Variants in ASTN2 observed in about 807,000 individuals in gnomAD.
The protein encoded by ASTN2 is astrotactin-2.
Under a neutral mutation model 139.8 loss-of-function variants are expected in ASTN2, and 54 were observed. That is an observed-to-expected ratio of 0.39 (90% CI 0.31 to 0.48). The LOEUF (loss-of-function observed/expected upper bound fraction) is 0.48. Ranked by LOEUF, ASTN2 falls within the 20% of genes least tolerant of loss-of-function variation. The pLI, the probability that ASTN2 is intolerant of heterozygous loss-of-function variation, is 0.95. For synonymous variants in ASTN2, 756 were observed against 719.5 expected (o/e 1.05, Z -0.81); for missense variants, 1,565 against 1,725.1 (o/e 0.91, Z 1.64).
At chr9:116,816,952 C>T (rs1055472121) in intron 12 of ASTN2, among the ~76,000 whole-genome samples, 2 of 113,668 alleles carry the variant, frequency 1.8e-5, no homozygotes, top group Non-Finnish European at 4.0e-5. Flanking sequence ...CTATATAGGC[C>T]CTAACCCCAT....
chr9:116,985,717 C>A (rs774778218), intron 7 of ASTN2, among the ~76,000 whole-genome samples: 1 of 152,190 alleles, frequency 6.6e-6, no homozygotes, highest in Non-Finnish European at 1.5e-5. Flanking sequence ...GCATGTATTT[C>A]CAACAATCCA....
At chr9:117,136,848 T>G (rs957193130) in intron 4 of ASTN2, among the ~76,000 whole-genome samples, 4 of 152,224 alleles carry the variant, frequency 2.6e-5, no homozygotes, top group Non-Finnish European at 5.9e-5. Flanking sequence ...TCTTGGGTAT[T>G]AATTCACAAC....
chr9:117,272,799 G>A (rs1185633126), intron 2 of ASTN2, among the ~76,000 whole-genome samples: 1 of 152,104 alleles, frequency 6.6e-6, no homozygotes, highest in African/African-American at 2.4e-5. Flanking sequence ...AGACCACCTC[G>A]GCCTGGACCT....
chr9:116,589,991 C>T (rs1564137436), intron 19 of ASTN2, among the ~76,000 whole-genome samples: 1 of 152,216 alleles, frequency 6.6e-6, no homozygotes, highest in Non-Finnish European at 1.5e-5. Context: ...TATGCATACT[C>T]ACTGAGGTGG....
At chr9:116,932,953 C>T (rs1300702227) in intron 10 of ASTN2, among the ~76,000 whole-genome samples, 1 of 140,574 alleles carries the variant, frequency 7.1e-6, no homozygotes, top group Non-Finnish European at 1.5e-5. Context: ...TTTCAGGGAG[C>T]CAAGATTGAG....
intron 17 of ASTN2, among the ~76,000 whole-genome samples, chr9:116,639,662 G>A (rs1857237072): frequency 1.3e-5 from 2 of 152,174 alleles, no homozygotes; most frequent in Non-Finnish European, 2.9e-5. Flanking sequence ...GACACCCTCA[G>A]ATAAATGATG....
At chr9:117,211,462 T>A (rs904559018) in intron 3 of ASTN2, among the ~76,000 whole-genome samples, 1 of 152,136 alleles carries the variant, frequency 6.6e-6, no homozygotes, top group Non-Finnish European at 1.5e-5. Context: ...TTTAAAAGTG[T>A]TTAGCACTTC....
intron 19 of ASTN2, among the ~76,000 whole-genome samples, chr9:116,533,534 C>T (rs1221426688): frequency 6.6e-6 from 1 of 152,120 alleles, no homozygotes; most frequent in Non-Finnish European, 1.5e-5. Context: ...AGAAATGTCC[C>T]ATCAACACCT....
chr9:116,958,408 G>T (rs1588441055), intron 10 of ASTN2, among the ~76,000 whole-genome samples: 1 of 152,072 alleles, frequency 6.6e-6, no homozygotes, highest in East Asian at 1.9e-4. Context: ...GGCTAACAAG[G>T]TGAAACCCCG....
At chr9:117,090,600 A>G (rs1156589680) in intron 5 of ASTN2, among the ~76,000 whole-genome samples, 3 of 152,242 alleles carry the variant, frequency 2.0e-5, no homozygotes, top group Admixed American at 2.0e-4. Context: ...AGGGAAAGAA[A>G]ATATTAGAAG....
chr9:116,792,870 T>G (rs1588297490), intron 13 of ASTN2, among the ~76,000 whole-genome samples: 1 of 152,280 alleles, frequency 6.6e-6, no homozygotes, highest in African/African-American at 2.4e-5. Context: ...TTAAGTTCAG[T>G]TTAACACTTT....
intron 13 of ASTN2, among the ~76,000 whole-genome samples, chr9:116,748,525 G>A (rs936570317): frequency 6.6e-6 from 1 of 152,164 alleles, no homozygotes; most frequent in African/African-American, 2.4e-5. Context: ...CCAGTATTCA[G>A]AGTATTTTCT....
chr9:117,343,165 G>A (rs1013958437), intron 1 of ASTN2, among the ~76,000 whole-genome samples: 3 of 152,168 alleles, frequency 2.0e-5, no homozygotes, highest in Admixed American at 1.3e-4. Context: ...ACTATTCCTT[G>A]CCTTTTCCAG....
chr9:117,275,237 T>C (rs181956862), intron 2 of ASTN2, among the ~76,000 whole-genome samples: 183 of 152,314 alleles, frequency 1.2e-3, no homozygotes, highest in African/African-American at 4.0e-3. Context: ...TTCAAAACTC[T>C]TTGCGGCCTC....
At chr9:116,965,410 C>T (rs1835986505) in intron 10 of ASTN2, among the ~76,000 whole-genome samples, 1 of 152,126 alleles carries the variant, frequency 6.6e-6, no homozygotes, top group African/African-American at 2.4e-5. Flanking sequence ...TGACAGACTT[C>T]TCTAGGATTT....
chr9:116,914,954 G>A (rs941553231), intron 10 of ASTN2, among the ~76,000 whole-genome samples: 8 of 152,146 alleles, frequency 5.3e-5, no homozygotes, highest in African/African-American at 1.7e-4. Flanking sequence ...AGGTCTGCCT[G>A]GTATTCAACC....
At chr9:116,755,163 C>A (rs991421637) in intron 13 of ASTN2, among the ~76,000 whole-genome samples, 9 of 152,242 alleles carry the variant, frequency 5.9e-5, no homozygotes, top group Admixed American at 3.3e-4. Flanking sequence ...ATGAAAAATA[C>A]AATGATAGGC....
intron 1 of ASTN2, among the ~76,000 whole-genome samples, chr9:117,367,098 C>T (rs1829864454): frequency 6.6e-6 from 1 of 152,082 alleles, no homozygotes; most frequent in East Asian, 1.9e-4. Context: ...TCAGTGAGCA[C>T]TCTACTAAGG....
At chr9:117,052,501 A>T (rs1838943966) in intron 5 of ASTN2, among the ~76,000 whole-genome samples, 1 of 152,176 alleles carries the variant, frequency 6.6e-6, no homozygotes, top group Non-Finnish European at 1.5e-5. Flanking sequence ...GCATAGCAGA[A>T]GCTCAGTGAA....
Sources: allele counts gnomAD v4.1 joint callset (sites outside exome capture counted in the v4.1 genomes callset), GRCh38; gene constraint gnomAD v4.1.1; transcripts MANE v1.5; gene names NCBI Gene and HGNC (gene_info 2026-07-23, HGNC 2026-07-21).